Variants in CCDC57 observed in about 807,000 individuals in gnomAD.
CCDC57 encodes coiled-coil domain-containing protein 57.
A neutral mutation model predicts 118.9 loss-of-function variants in CCDC57; 118 were observed. The observed-to-expected ratio is 0.99, with a 90% CI of 0.86 to 1.16. The LOEUF is 1.16. Ranked by LOEUF, CCDC57 falls within the 50% of genes most tolerant of loss-of-function variation. The probability of loss-of-function intolerance (pLI) is 0.00; values close to 1 mark genes in which losing one functional copy is unlikely to be tolerated. For synonymous variants in CCDC57, 527 were observed against 532.9 expected, an observed-to-expected ratio of 0.99 and a Z score of 0.15; for missense variants, 1,300 against 1,320.7, an observed-to-expected ratio of 0.98 and a Z score of 0.24.
chr17:82,184,014 CAT>C (rs2046538366), intron 8 of CCDC57, 82 bp from the exon 8 acceptor site: 5 of 789,550 alleles, frequency 6.3e-6, no homozygotes, highest in Non-Finnish European at 9.9e-6. Context: ...AGCAAATACA[CAT>C]GCGCGCGCGC....
chr17:82,145,793 C>G, intron 16 of CCDC57: 1 of 466,358 alleles, frequency 2.1e-6, no homozygotes, highest in South Asian at 1.6e-5. Flanking sequence ...TGGTCTCGGC[C>G]GGAACCCTGT....
chr17:82,129,845 C>T (rs1261162166), intron 17 of CCDC57, among the ~76,000 whole-genome samples: 1 of 152,008 alleles, frequency 6.6e-6, no homozygotes, highest in African/African-American at 2.4e-5. Context: ...GAGCCTGGAT[C>T]ACACCACTGT....
rs192976266 is a variant in CCDC57, at chr17:82,204,549, C to T, written c.-8-2597G>A. 4.1e-3 allele frequency among the ~76,000 whole-genome samples: 627 copies of T among 152,234 alleles called. 5 individuals are homozygous for T. The highest frequency in any genetic ancestry group is 0.015 in the African/African-American group (606 of 41,538). On this transcript the variant is annotated intron_variant, in intron 2 of 19. Transcript: ENST00000665763. ...CTGTAATCCCAGGACTTTGGGAGGCCGAGGCGGGCGGATCATAAGGTCAGG... is the reference window on the plus strand; with the variant it reads ...CTGTAATCCCAGGACTTTGGGAGGCTGAGGCGGGCGGATCATAAGGTCAGG...
rs9892190 is a variant in CCDC57, at chr17:82,202,296, G to A, written c.-8-344C>T. Among the ~76,000 whole-genome samples, 1,015 of 152,182 alleles carry A rather than the reference G, an allele frequency of 6.7e-3. 11 individuals carry two copies. The highest frequency in any genetic ancestry group is 0.021 in the African/African-American group (878 of 41,490). ...AGCCTGGCTAACATGGTGAAACCCC[G>A]TCTCTACTAAAAATACAAAAAATTA... On this transcript the variant is annotated intron_variant, in intron 2 of 19. Coordinates refer to ENST00000665763, the Ensembl canonical transcript of CCDC57.
At chr17:82,178,915 G>T in intron 10 of CCDC57, 112 bp downstream of exon 9, 1 of 1,201,692 alleles carries the variant, frequency 8.3e-7, no homozygotes, top group Non-Finnish European at 1.2e-6. Context: ...ACTCAGTGAG[G>T]TTTAGTGTTT....
chr17:82,178,600 A>G (rs2045815682), exon 11 of CCDC57: 1 of 1,611,940 alleles, frequency 6.2e-7, no homozygotes, highest in Non-Finnish European at 8.5e-7. Flanking sequence ...GCAGCTTGGC[A>G]GCAACCTGGG....
At position 82,195,382 on chromosome 17, in the gene CCDC57, C is replaced by T; in HGVS notation, c.517-18G>A. The T allele has an allele frequency of 6.4e-7, 1 of 1,568,908 alleles. No homozygotes were observed. Among genetic ancestry groups the T allele is most frequent in the Non-Finnish European group, 8.7e-7 (1 of 1,155,552 alleles). On this transcript the variant is annotated intron_variant, in intron 4 of 19. Coordinates refer to ENST00000665763, the Ensembl canonical transcript of CCDC57. ...AGCAGTTCCTGGAACAAACAGGTTT[C>T]ATGATGAAAGAACAGTGGGAACCCA...
At chr17:82,207,416 A>C (rs1478562178) in intron 2 of CCDC57, 1 of 152,086 alleles carries the variant, frequency 6.6e-6, no homozygotes, top group Non-Finnish European at 1.5e-5. Flanking sequence ...CCTTCCCCAA[A>C]TTGTTCCTGG....
chr17:82,195,490 C>G (rs572451196), intron 4 of CCDC57, 126 bp from the exon 4 acceptor site: 1 of 751,310 alleles, frequency 1.3e-6, no homozygotes, highest in South Asian at 1.5e-5. Flanking sequence ...ACCACACACA[C>G]TGTCCAGGAG....
Position 82,172,187 on chromosome 17 carries a change from G to A in CCDC57, c.1730-334C>T, listed in dbSNP as rs74001565. Among the ~76,000 whole-genome samples the A allele has an allele frequency of 0.051, 7,760 of 152,260 alleles. 649 individuals carry two copies. Among genetic ancestry groups the A allele is most frequent in the African/African-American group, 0.18 (7,309 of 41,512 alleles). ...AGGGGCCAAGTCCCATCTCGAGAAC[G>A]GAAGCTCTGCCTCCATCCCGGCATC... On this transcript the variant is annotated intron_variant, in intron 12 of 19. Coordinates refer to ENST00000665763, the Ensembl canonical transcript of CCDC57. The surrounding 1 kb of genome is among the most constrained non-coding windows in gnomAD (Gnocchi z 5.2).
chr17:82,211,186 C>T (rs1365231291), intron 1 of CCDC57, among the ~76,000 whole-genome samples: 2 of 152,134 alleles, frequency 1.3e-5, no homozygotes, highest in African/African-American at 4.8e-5. Flanking sequence ...CCAGGGGCAT[C>T]CTGTGTCTCG....
chr17:82,194,308 A>C, intron 5 of CCDC57, 169 bp from the exon 5 acceptor site: 1 of 522,374 alleles, frequency 1.9e-6, no homozygotes, highest in Non-Finnish European at 2.9e-6. Flanking sequence ...AGACTCAATG[A>C]CTTTTTTTTT....
chr17:82,130,813 T>TG (rs142241278), intron 17 of CCDC57, among the ~76,000 whole-genome samples: 7,015 of 140,484 alleles, frequency 0.05, 219 homozygotes, highest in African/African-American at 0.092. Flanking sequence ...TCCTTTTTTT[T>TG]GGGGGGGTGG....
intron 19 of CCDC57, among the ~76,000 whole-genome samples, chr17:82,102,619 A>C (rs1369037829): frequency 2.6e-5 from 4 of 152,220 alleles, no homozygotes; most frequent in Non-Finnish European, 4.4e-5. Flanking sequence ...TTGGTGGCTC[A>C]CGTCTGTAAT....
At chr17:82,196,863 A>ACCT (rs2048359965) in intron 4 of CCDC57, among the ~76,000 whole-genome samples, 1 of 147,570 alleles carries the variant, frequency 6.8e-6, no homozygotes, top group African/African-American at 2.5e-5. Flanking sequence ...TGACTCCTGC[A>ACCT]GAGACGCAGC....
chr17:82,171,472 G>A (rs1397677801), intron 13 of CCDC57, among the ~76,000 whole-genome samples: 1 of 151,240 alleles, frequency 6.6e-6, no homozygotes, highest in Non-Finnish European at 1.5e-5. Flanking sequence ...CGTGGGCTCC[G>A]GAGGGAGCAC....
At chr17:82,159,024 C>T (rs764646200) in intron 14 of CCDC57, among the ~76,000 whole-genome samples, 2 of 152,190 alleles carry the variant, frequency 1.3e-5, no homozygotes, top group Non-Finnish European at 2.9e-5. Context: ...CACCACCATG[C>T]TTGGCTAATT....
intron 16 of CCDC57, among the ~76,000 whole-genome samples, chr17:82,146,047 C>T (rs1285321066): frequency 2.0e-5 from 3 of 152,120 alleles, no homozygotes; most frequent in Non-Finnish European, 4.4e-5. Flanking sequence ...CGGCCCCTTC[C>T]CAGAGGCGGA....
chr17:82,101,694 G>T (rs1235003610), exon 20 of CCDC57: 1 of 1,606,562 alleles, frequency 6.2e-7, no homozygotes, highest in Admixed American at 1.7e-5. Flanking sequence ...AGTCCATAAT[G>T]TTGTAGTTAC....
Sources: gnomAD v4.1 joint callset for allele counts (sites outside exome capture counted in the v4.1 genomes callset) on GRCh38, gnomAD v4.1.1 for gene constraint, Gnocchi (gnomAD v3.1) non-coding constraint, MANE v1.5 for transcripts, NCBI Gene and HGNC (gene_info 2026-07-23, HGNC 2026-07-21) for gene names.